The following PRKG1 variants were observed in gnomAD, a reference collection of about 807,000 sequenced individuals.
The protein encoded by PRKG1 is protein kinase cGMP-dependent 1.
In PRKG1, 35 loss-of-function variants were observed where a neutral mutation model predicts 88.1. The ratio of observed to expected loss-of-function variants is 0.40; its 90% CI spans 0.30 to 0.53. PRKG1 has a LOEUF of 0.53. PRKG1 is among the 20% of genes least tolerant of loss of function. The pLI, the probability that PRKG1 is intolerant of heterozygous loss-of-function variation, is 0.59. For synonymous variants in PRKG1, 303 were observed against 292.5 expected (o/e 1.04, Z -0.37); for missense variants, 540 against 839.8 (o/e 0.64, Z 4.41).
intron 3 of PRKG1, among the ~76,000 whole-genome samples, chr10:51,516,054 T>C (rs1841570522): frequency 6.6e-6 from 1 of 152,148 alleles, no homozygotes; most frequent in Non-Finnish European, 1.5e-5. Flanking sequence ...TCTTTTTGGG[T>C]ACCTGCACTT....
intron 2 of PRKG1, among the ~76,000 whole-genome samples, chr10:51,378,953 A>G (rs936861178): frequency 6.6e-6 from 1 of 152,136 alleles, no homozygotes; most frequent in Non-Finnish European, 1.5e-5. Context: ...TTTTGTCCTT[A>G]TGGACCTAAG....
chr10:51,731,665 T>C (rs1399855885), intron 3 of PRKG1, among the ~76,000 whole-genome samples: 1 of 152,232 alleles, frequency 6.6e-6, no homozygotes, highest in African/African-American at 2.4e-5. Context: ...GTAACCTGTA[T>C]GCCTATGTGC....
At chr10:51,456,181 C>A (rs1466724230) in intron 2 of PRKG1, among the ~76,000 whole-genome samples, 1 of 152,132 alleles carries the variant, frequency 6.6e-6, no homozygotes, top group Non-Finnish European at 1.5e-5. Context: ...CCTTATAAAA[C>A]CATCAGATCT....
At chr10:51,107,301 C>A (rs968640621) in intron 1 of PRKG1, among the ~76,000 whole-genome samples, 59 of 152,150 alleles carry the variant, frequency 3.9e-4, no homozygotes, top group African/African-American at 1.4e-3. Context: ...TGGATATTAT[C>A]CCAATGCAAT....
intron 9 of PRKG1, among the ~76,000 whole-genome samples, chr10:52,215,726 TTTATAATAG>T (rs758134065): frequency 1.1e-4 from 16 of 152,286 alleles, no homozygotes; most frequent in Non-Finnish European, 1.6e-4. Context: ...AATATACATT[TTTATAATAG>T]TAATGTTAGA....
chr10:51,277,791 G>A (rs1840168277), intron 2 of PRKG1, among the ~76,000 whole-genome samples: 1 of 152,166 alleles, frequency 6.6e-6, no homozygotes, highest in African/African-American at 2.4e-5. Flanking sequence ...TGTGATTTTT[G>A]CACATTGATT....
chr10:51,423,510 A>T (rs1443718466), intron 2 of PRKG1, among the ~76,000 whole-genome samples: 1 of 151,922 alleles, frequency 6.6e-6, no homozygotes, highest in South Asian at 2.1e-4. Flanking sequence ...TTCTTCCTAC[A>T]AAACCTTCTG....
chr10:51,708,883 A>G (rs894199493), intron 3 of PRKG1, among the ~76,000 whole-genome samples: 3 of 152,130 alleles, frequency 2.0e-5, no homozygotes, highest in Admixed American at 6.5e-5. Flanking sequence ...GGGAGCATCT[A>G]TCATCCTGTA....
chr10:51,832,657 C>T (rs1036632653), intron 4 of PRKG1, among the ~76,000 whole-genome samples: 9 of 152,158 alleles, frequency 5.9e-5, no homozygotes, highest in African/African-American at 2.2e-4. Flanking sequence ...AAAGCATGTA[C>T]ATTTTTTATG....
chr10:52,032,111 G>A (rs1189985338), intron 5 of PRKG1, among the ~76,000 whole-genome samples: 1 of 152,092 alleles, frequency 6.6e-6, no homozygotes, highest in African/African-American at 2.4e-5. Flanking sequence ...CAGTGTTTTG[G>A]GAATCAATTT....
intron 5 of PRKG1, among the ~76,000 whole-genome samples, chr10:52,007,391 T>C (rs1171382709): frequency 1.3e-5 from 2 of 148,832 alleles, no homozygotes; most frequent in East Asian, 3.9e-4. Context: ...CCACCTCATA[T>C]ACAATAACAT....
chr10:51,852,001 A>G lies in PRKG1; in HGVS notation c.698+47311A>G, dbSNP rs1589355515. ...TAGACACATGTTTCAGGCACCTGCCATCTTTGATTTATGCAACCATATCGG... is the reference window on the plus strand; with the variant it reads ...TAGACACATGTTTCAGGCACCTGCCGTCTTTGATTTATGCAACCATATCGG... On this transcript the variant is annotated intron_variant, in intron 4 of 17. Transcript: ENST00000373980. 2.0e-5 allele frequency among the ~76,000 whole-genome samples: 3 copies of G among 152,160 alleles called. No homozygotes were observed. The East Asian group carries it at 5.8e-4, about 29-fold the overall frequency.
At chr10:51,393,244 C>T (rs964177607) in intron 2 of PRKG1, among the ~76,000 whole-genome samples, 21 of 150,242 alleles carry the variant, frequency 1.4e-4, no homozygotes, top group African/African-American at 4.7e-4. Flanking sequence ...CAGAGATGCT[C>T]CCCACATCTC....
At chr10:51,699,346 C>T in intron 3 of PRKG1, 1 of 1,614,164 alleles carries the variant, frequency 6.2e-7, no homozygotes, top group Admixed American at 1.7e-5. Flanking sequence ...TAAGCGCGGT[C>T]TCCTGGTCTT....
chr10:51,155,485 C>T (rs997839442), intron 2 of PRKG1, among the ~76,000 whole-genome samples: 1 of 151,828 alleles, frequency 6.6e-6, no homozygotes, highest in Non-Finnish European at 1.5e-5. Context: ...AGTAATTTGC[C>T]CAGGTCTCCC....
chr10:51,640,344 C>T (rs1839767051), intron 3 of PRKG1, among the ~76,000 whole-genome samples: 1 of 152,124 alleles, frequency 6.6e-6, no homozygotes, highest in South Asian at 2.1e-4. Context: ...CTGAAGCTAC[C>T]AGAGGAAAGC....
At chr10:51,334,148 C>T (rs898780191) in intron 2 of PRKG1, among the ~76,000 whole-genome samples, 10 of 89,036 alleles carry the variant, frequency 1.1e-4, no homozygotes, top group Non-Finnish European at 2.1e-4. Context: ...CTTTCTCTCT[C>T]TCTTTCTCTC....
chr10:51,504,399 T>C (rs1004106717), intron 3 of PRKG1, among the ~76,000 whole-genome samples: 1 of 152,154 alleles, frequency 6.6e-6, no homozygotes, highest in Non-Finnish European at 1.5e-5. Flanking sequence ...TGAAGTCAGG[T>C]AGTGAGATGC....
At chr10:51,013,224 T>C (rs1843014687) in intron 1 of PRKG1, among the ~76,000 whole-genome samples, 2 of 152,202 alleles carry the variant, frequency 1.3e-5, no homozygotes, top group Admixed American at 1.3e-4. Context: ...CATAGAGTAA[T>C]TGTGAGAATT....
Sources: allele counts gnomAD v4.1 joint callset (sites outside exome capture counted in the v4.1 genomes callset), GRCh38; gene constraint gnomAD v4.1.1; transcripts MANE v1.5; gene names NCBI Gene and HGNC (gene_info 2026-07-23, HGNC 2026-07-21).